PKIB: variants seen among roughly 807,000 people sequenced by gnomAD.
PKIB encodes the protein cAMP-dependent protein kinase inhibitor beta.
In PKIB, 2 loss-of-function variants were observed where a neutral mutation model predicts 4.5. The observed-to-expected ratio is 0.44, with a 90% CI of 0.18 to 1.39. The LOEUF (loss-of-function observed/expected upper bound fraction) is 1.39, where lower values mean the gene tolerates loss of function less well. Ranked by LOEUF, PKIB falls within the 40% of genes most tolerant of loss-of-function variation. The probability of loss-of-function intolerance (pLI) is 0.27; values close to 1 mark genes in which losing one functional copy is unlikely to be tolerated. For missense variants in PKIB, 94 were observed against 92.6 expected, an observed-to-expected ratio of 1.02 and a Z score of -0.06; for synonymous variants, 38 against 36.0, an observed-to-expected ratio of 1.06 and a Z score of -0.20.
chr6:122,660,329 C>G (rs937124894), intron 2 of PKIB, among the ~76,000 whole-genome samples: 2 of 152,324 alleles, frequency 1.3e-5, no homozygotes, highest in South Asian at 2.1e-4. Context: ...TACACTTTCA[C>G]TCTTCATCTC....
At chr6:122,662,800 G>A (rs1777062220) in intron 2 of PKIB, among the ~76,000 whole-genome samples, 1 of 152,198 alleles carries the variant, frequency 6.6e-6, no homozygotes, top group African/African-American at 2.4e-5. Flanking sequence ...GAAGTTTAGA[G>A]AGGGTATATA....
At chr6:122,640,983 A>G (rs960412798) in intron 2 of PKIB, among the ~76,000 whole-genome samples, 1 of 152,176 alleles carries the variant, frequency 6.6e-6, no homozygotes. Context: ...AACAAAGAAT[A>G]AAATCAATTT....
upstream of PKIB, among the ~76,000 whole-genome samples, chr6:122,606,578 G>GA (rs1774545542): frequency 1.7e-3 from 22 of 13,256 alleles, no homozygotes; most frequent in African/African-American, 2.8e-3. Context: ...TCTCAAAAAA[G>GA]AAAAAAAAAG....
At chr6:122,521,433 C>A (rs951325361) in intron 2 of PKIB, among the ~76,000 whole-genome samples, 1 of 152,102 alleles carries the variant, frequency 6.6e-6, no homozygotes, top group African/African-American at 2.4e-5. Flanking sequence ...GTAATCTTAG[C>A]ACTTTGGGAG....
chr6:122,697,350 A>G (rs546882867), intron 3 of PKIB, among the ~76,000 whole-genome samples: 6 of 152,048 alleles, frequency 3.9e-5, no homozygotes, highest in Non-Finnish European at 8.8e-5. Context: ...TTTTGGCTTT[A>G]TGCTACAATT....
chr6:122,685,986 T>A (rs1778078692), intron 3 of PKIB, among the ~76,000 whole-genome samples: 1 of 152,228 alleles, frequency 6.6e-6, no homozygotes, highest in South Asian at 2.1e-4. Flanking sequence ...AACGACAGTA[T>A]CTCATTCTTT....
chr6:122,714,843 G>A (rs538582747), intron 3 of PKIB, among the ~76,000 whole-genome samples: 7 of 152,200 alleles, frequency 4.6e-5, no homozygotes, highest in South Asian at 2.1e-4. Context: ...GTGCAGTGGC[G>A]CAGTCTCGGC....
chr6:122,602,811 C>T (rs966124234), intron 3 of PKIB, among the ~76,000 whole-genome samples: 3 of 151,884 alleles, frequency 2.0e-5, no homozygotes, highest in Non-Finnish European at 4.4e-5. Flanking sequence ...AAAAAATTAG[C>T]CGGGTGTGGT....
intron 2 of PKIB, chr6:122,480,942 C>A (rs574118108): frequency 6.6e-6 from 1 of 152,034 alleles, no homozygotes; most frequent in South Asian, 2.1e-4. Context: ...TTTTAAAAAA[C>A]TTAATGTAGA....
At chr6:122,595,815 C>T (rs994372200) in intron 3 of PKIB, among the ~76,000 whole-genome samples, 3 of 152,114 alleles carry the variant, frequency 2.0e-5, no homozygotes, top group African/African-American at 7.2e-5. Context: ...GCCTATTGGA[C>T]GATGACAGGG....
intron 2 of PKIB, among the ~76,000 whole-genome samples, chr6:122,546,215 C>T (rs961607007): frequency 3.3e-5 from 5 of 152,108 alleles, no homozygotes; most frequent in Admixed American, 3.3e-4. Context: ...AACAAACTGC[C>T]AATAACATCT....
At chr6:122,659,530 A>C (rs906175786) in intron 2 of PKIB, among the ~76,000 whole-genome samples, 1 of 152,196 alleles carries the variant, frequency 6.6e-6, no homozygotes, top group Non-Finnish European at 1.5e-5. Flanking sequence ...AGTAAACTTA[A>C]CTTAGTGAAA....
chr6:122,713,177 G>T (rs907944420), intron 3 of PKIB, among the ~76,000 whole-genome samples: 2 of 152,048 alleles, frequency 1.3e-5, no homozygotes, highest in Non-Finnish European at 2.9e-5. Context: ...GTGTGTCTCA[G>T]GCAACGTAAA....
At chr6:122,690,932 A>T (rs56321068) in intron 3 of PKIB, among the ~76,000 whole-genome samples, 33,590 of 138,580 alleles carry the variant, frequency 0.24, 4,187 homozygotes, top group Middle Eastern at 0.28. Flanking sequence ...ATATATATAT[A>T]TTTTTTTTTT....
At chr6:122,534,831 G>T (rs1244201339) in intron 2 of PKIB, among the ~76,000 whole-genome samples, 3 of 152,008 alleles carry the variant, frequency 2.0e-5, no homozygotes, top group Admixed American at 1.3e-4. Context: ...GGGTAACTTT[G>T]AATTAAAAGT....
intron 2 of PKIB, among the ~76,000 whole-genome samples, chr6:122,558,557 A>G (rs1772916598): frequency 6.6e-6 from 1 of 152,162 alleles, no homozygotes; most frequent in Non-Finnish European, 1.5e-5. Flanking sequence ...GATAAGTAAA[A>G]TCTACATATC....
At chr6:122,611,737 T>G (rs1017635592) in intron 1 of PKIB, among the ~76,000 whole-genome samples, 13 of 152,162 alleles carry the variant, frequency 8.5e-5, no homozygotes, top group Non-Finnish European at 1.9e-4. Flanking sequence ...GCTCAGCATT[T>G]GGATTATTAA....
At chr6:122,517,261 C>T (rs1168291140) in intron 2 of PKIB, among the ~76,000 whole-genome samples, 1 of 152,118 alleles carries the variant, frequency 6.6e-6, no homozygotes, top group African/African-American at 2.4e-5. Context: ...CCCTTGTACT[C>T]ACCTTCAGGC....
Position 122,494,561 on chromosome 6 carries a change from T to C in PKIB, c.-248+16622T>C, listed in dbSNP as rs150794760. ...TGATCAGCAAGTTTTACTAATTTTGTGGTTCCAGAACAGGTGGTGAAAAAT... is the reference window on the plus strand; with the variant it reads ...TGATCAGCAAGTTTTACTAATTTTGCGGTTCCAGAACAGGTGGTGAAAAAT... On this transcript the variant is annotated intron_variant, in intron 2 of 6. Coordinates refer to the PKIB transcript ENST00000392491. Among the ~76,000 whole-genome samples the C allele has an allele frequency of 2.0e-3, 312 of 152,320 alleles. 1 individual carries two copies. Among genetic ancestry groups the C allele is most frequent in the African/African-American group, 7.1e-3 (296 of 41,572 alleles).
Sources: gnomAD v4.1 joint callset for allele counts (sites outside exome capture counted in the v4.1 genomes callset) on GRCh38, gnomAD v4.1.1 for gene constraint, MANE v1.5 for transcripts, NCBI Gene and HGNC (gene_info 2026-07-23, HGNC 2026-07-21) for gene names.